Variants in ARAP2 observed in about 807,000 individuals in gnomAD.
ARAP2 encodes the protein arf-GAP with Rho-GAP domain, ANK repeat and PH domain-containing protein 2.
ARAP2 carries 148 observed loss-of-function variants against 194.5 expected under a neutral mutation model. The ratio of observed to expected loss-of-function variants is 0.76; its 90% CI spans 0.67 to 0.87. The LOEUF (loss-of-function observed/expected upper bound fraction) is 0.87. Among genes scored for constraint, ARAP2 ranks in the 40% least tolerant of loss-of-function variants. The probability of loss-of-function intolerance (pLI) is 0.00; values close to 1 mark genes in which losing one functional copy is unlikely to be tolerated. For missense variants in ARAP2, 2,128 were observed against 1,989.7 expected, an observed-to-expected ratio of 1.07 and a Z score of -1.32; for synonymous variants, 695 against 683.5, an observed-to-expected ratio of 1.02 and a Z score of -0.26.
rs530895543 is a variant in ARAP2 at position 36,093,212 on chromosome 4, A to G, written c.4286-1192T>C. 2.5e-4 allele frequency among the ~76,000 whole-genome samples: 38 copies of G among 152,170 alleles called. No homozygotes were observed. In the South Asian group the frequency reaches 7.7e-3, roughly 31 times the overall value. On this transcript the variant is annotated intron_variant, in intron 27 of 32. Transcript: ENST00000303965. ...CACACTGGGGCCTATTGGAAGGCGG[A>G]GGGTGGGGGGAAGGAGAGAATCAGG...
Position 36,067,879 on chromosome 4 carries a change from T to G in ARAP2, c.*28A>C. The G allele has an allele frequency of 6.5e-7, 1 of 1,533,510 alleles. No individual in the cohort carries two copies. Among genetic ancestry groups the G allele is most frequent in the Non-Finnish European group, 8.8e-7 (1 of 1,140,932 alleles). 95.0% of individuals were successfully genotyped at this position (1,533,510 alleles called of 1,614,324 possible). On this transcript the variant is annotated 3_prime_UTR_variant, in exon 33 of 33. Coordinates refer to ENST00000303965, the MANE Select transcript of ARAP2 (RefSeq NM_015230.4). ...AAGATTGCATACAATATTAAAAAAA[T>G]AATCTGGGGAGCAATTCATTTTATT...
Position 36,068,045 on chromosome 4 carries a change from C to T in ARAP2, c.4977G>A (p.Lys1659=). ...TAGCTTTGCTATTCCTGTCCTCAGT[C>T]TTCCTCAATGTCTTTAGGCCTTTAT... ...KGHKGLKTLR[K]TEDRNSKATL... The change falls in exon 33 of 33, where the codon AAG becomes AAA. Residue 1659 remains lysine (K), a synonymous_variant. Coordinates refer to ENST00000303965, the MANE Select transcript of ARAP2 (RefSeq NM_015230.4). 6.2e-7 allele frequency: 1 copy of T among 1,614,138 alleles called. No individual in the cohort carries two copies. The highest frequency in any genetic ancestry group is 8.5e-7 in the Non-Finnish European group (1 of 1,180,000).
intron 19 of ARAP2, among the ~76,000 whole-genome samples, chr4:36,136,599 T>G (rs1270231021): frequency 6.6e-6 from 1 of 151,664 alleles, no homozygotes; most frequent in Non-Finnish European, 1.5e-5. Context: ...TAAAAAAGAT[T>G]TTAAACAAAA....
At chr4:36,008,198 A>G (rs1404190453) in intron 9 of ARAP2, among the ~76,000 whole-genome samples, 1 of 152,158 alleles carries the variant, frequency 6.6e-6, no homozygotes, top group Non-Finnish European at 1.5e-5. Context: ...AATCTATTCT[A>G]AAATTTGTAT....
chr4:36,196,185 G>T (rs1743071926), intron 6 of ARAP2, among the ~76,000 whole-genome samples: 1 of 152,204 alleles, frequency 6.6e-6, no homozygotes, highest in Non-Finnish European at 1.5e-5. Context: ...TCTTACTTAA[G>T]ATTAACTGCA....
intron 2 of ARAP2, among the ~76,000 whole-genome samples, chr4:36,054,543 G>A (rs922795287): frequency 6.6e-6 from 1 of 152,106 alleles, no homozygotes; most frequent in African/African-American, 2.4e-5. Flanking sequence ...GCTGGAAAAT[G>A]GATTTTAATT....
intron 32 of ARAP2, among the ~76,000 whole-genome samples, chr4:36,069,699 T>C (rs1001715457): frequency 3.9e-5 from 6 of 152,144 alleles, no homozygotes; most frequent in Non-Finnish European, 8.8e-5. Context: ...AAGGGCCAAG[T>C]AATAACATAC....
intron 27 of ARAP2, among the ~76,000 whole-genome samples, chr4:36,099,511 C>T (rs939307417): frequency 1.3e-5 from 2 of 152,054 alleles, no homozygotes; most frequent in African/African-American, 4.8e-5. Flanking sequence ...AGAGAAAATT[C>T]ACTTTTATTT....
chr4:36,037,395 T>C (rs561201302), intron 5 of ARAP2, among the ~76,000 whole-genome samples: 6 of 152,288 alleles, frequency 3.9e-5, no homozygotes, highest in African/African-American at 1.4e-4. Context: ...TAACTAAGCC[T>C]GAAAGAGGAG....
At chr4:36,193,763 C>CA in intron 6 of ARAP2, 116 bp from the exon 7 acceptor site, 1 of 739,600 alleles carries the variant, frequency 1.4e-6, no homozygotes, top group Non-Finnish European at 2.1e-6. Context: ...ACACCATAGA[C>CA]AACAATAGGC....
chr4:36,202,495 GAA>G (rs796278892), intron 6 of ARAP2, among the ~76,000 whole-genome samples: 2 of 138,818 alleles, frequency 1.4e-5, no homozygotes, highest in African/African-American at 5.2e-5. Flanking sequence ...AAAATGAGAA[GAA>G]AAAAAAAAAG....
Position 36,092,873 on chromosome 4 carries a change from C to A in ARAP2, c.4286-853G>T, listed in dbSNP as rs61246769. 6.1e-3 allele frequency among the ~76,000 whole-genome samples: 921 copies of A among 152,166 alleles called. 10 individuals carry two copies. Among genetic ancestry groups the A allele is most frequent in the African/African-American group, 0.021 (868 of 41,520 alleles). ...CACCTTTAAGAATTCTGACTCAAAT[C>A]CACAAATTTTTAAGGCATTAAAGAA... On this transcript the variant is annotated intron_variant, in intron 27 of 32. Coordinates refer to ENST00000303965, the MANE Select transcript of ARAP2 (RefSeq NM_015230.4).
intron 12 of ARAP2, 95 bp from the exon 13 acceptor site, chr4:36,160,736 C>T (rs1578122340): frequency 7.4e-6 from 8 of 1,077,950 alleles, no homozygotes; most frequent in Non-Finnish European, 9.7e-6. Flanking sequence ...TAAAGCATAA[C>T]TTAGTATAAA....
At chr4:36,219,502 G>C (rs1172445657) in intron 2 of ARAP2, among the ~76,000 whole-genome samples, 1 of 152,166 alleles carries the variant, frequency 6.6e-6, no homozygotes, top group Admixed American at 6.5e-5. Flanking sequence ...GATTCAGGAA[G>C]TAGGGAATTT....
chr4:36,196,878 T>C (rs1743228399), intron 6 of ARAP2, among the ~76,000 whole-genome samples: 1 of 151,632 alleles, frequency 6.6e-6, no homozygotes, highest in Non-Finnish European at 1.5e-5. Flanking sequence ...CTGCTTGGAA[T>C]GCTGCCTGCC....
At chr4:36,148,326 T>C (rs1407609876) in intron 17 of ARAP2, 79 bp downstream of exon 17, 29 of 1,030,184 alleles carry the variant, frequency 2.8e-5, no homozygotes, top group Non-Finnish European at 3.8e-5. Flanking sequence ...AAAACTTTCA[T>C]GGACCCCTGA....
chr4:36,102,381 C>T (rs1717193513), intron 27 of ARAP2, among the ~76,000 whole-genome samples: 1 of 151,902 alleles, frequency 6.6e-6, no homozygotes, highest in Admixed American at 6.6e-5. Flanking sequence ...GAAAGCATTC[C>T]CTAACTACCT....
At chr4:36,032,158 T>G (rs562640796) in intron 5 of ARAP2, among the ~76,000 whole-genome samples, 11 of 152,186 alleles carry the variant, frequency 7.2e-5, no homozygotes, top group Non-Finnish European at 1.3e-4. Context: ...GGAAGAATAC[T>G]CACTAATAGG....
chr4:36,228,548 T>C, intron 2 of ARAP2, 34 bp downstream of exon 2: 2 of 1,512,640 alleles, frequency 1.3e-6, no homozygotes, highest in Non-Finnish European at 8.9e-7. Context: ...TTTCCTCAAA[T>C]TGAATATTTA....
Sources: gnomAD v4.1 joint callset for allele counts (sites outside exome capture counted in the v4.1 genomes callset) on GRCh38, gnomAD v4.1.1 for gene constraint, MANE v1.5 for transcripts, NCBI Gene and HGNC (gene_info 2026-07-23, HGNC 2026-07-21) for gene names.